Variants in LSAMP observed in about 807,000 individuals in gnomAD.
LSAMP encodes the protein limbic system associated membrane protein.
In LSAMP, 7 loss-of-function variants were observed where a neutral mutation model predicts 38.6. The observed-to-expected ratio is 0.18, with a 90% confidence interval of 0.10 to 0.34. The LOEUF is 0.34. Among genes scored for constraint, LSAMP ranks in the 10% least tolerant of loss-of-function variants. The pLI, the probability that LSAMP is intolerant of heterozygous loss-of-function variation, is 1.00. For missense variants in LSAMP, 313 were observed against 420.0 expected (o/e 0.75, Z 2.23); for synonymous variants, 154 against 166.8 (o/e 0.92, Z 0.59).
chr3:115,814,677 A>G (rs1304216518), intron 6 of LSAMP, among the ~76,000 whole-genome samples: 1 of 152,236 alleles, frequency 6.6e-6, no homozygotes, highest in East Asian at 1.9e-4. Flanking sequence ...GCCACTAAGA[A>G]ATCAAGATAA....
intron 3 of LSAMP, among the ~76,000 whole-genome samples, chr3:115,994,478 G>T (rs1319738800): frequency 4.6e-5 from 7 of 152,066 alleles, no homozygotes; most frequent in Non-Finnish European, 8.8e-5. Flanking sequence ...TGATCTTTGT[G>T]ATCCTTTCAT....
intron 1 of LSAMP, among the ~76,000 whole-genome samples, chr3:116,293,056 C>G (rs1264744442): frequency 6.6e-6 from 1 of 152,306 alleles, no homozygotes; most frequent in African/African-American, 2.4e-5. Flanking sequence ...CATTTTAACA[C>G]CTTCACCCTA....
intron 3 of LSAMP, among the ~76,000 whole-genome samples, chr3:116,012,496 C>G (rs1940358689): frequency 6.6e-6 from 1 of 152,160 alleles, no homozygotes; most frequent in Admixed American, 6.6e-5. Context: ...AAACTATCTT[C>G]TCAGGTGAGA....
chr3:116,215,308 C>T (rs1395214611), intron 1 of LSAMP, among the ~76,000 whole-genome samples: 1 of 152,192 alleles, frequency 6.6e-6, no homozygotes, highest in East Asian at 1.9e-4. Context: ...ACCCTATCTT[C>T]CTGTGTTGTT....
At chr3:116,078,980 G>C (rs886288851) in intron 2 of LSAMP, among the ~76,000 whole-genome samples, 2 of 152,064 alleles carry the variant, frequency 1.3e-5, no homozygotes, top group Non-Finnish European at 2.9e-5. Context: ...CTCTTAGTGG[G>C]GAAGGGCAGG....
chr3:116,139,047 T>C (rs1709315761), intron 1 of LSAMP, among the ~76,000 whole-genome samples: 1 of 151,910 alleles, frequency 6.6e-6, no homozygotes, highest in African/African-American at 2.4e-5. Context: ...CATATGTATA[T>C]AATGTGTATA....
At chr3:116,368,015 A>T (rs989165046) in intron 1 of LSAMP, 4 of 152,154 alleles carry the variant, frequency 2.6e-5, no homozygotes, top group Non-Finnish European at 5.9e-5. Flanking sequence ...CTCTTAAACT[A>T]ATGAAATGAG....
intron 1 of LSAMP, among the ~76,000 whole-genome samples, chr3:116,127,695 AT>A (rs67470158): frequency 0.026 from 2,468 of 96,524 alleles, 39 homozygotes; most frequent in African/African-American, 0.07. Context: ...GTGTTTGTTC[AT>A]TTTTTTTTTT....
chr3:116,142,654 C>T (rs1430608400), intron 1 of LSAMP, among the ~76,000 whole-genome samples: 1 of 152,006 alleles, frequency 6.6e-6, no homozygotes, highest in Non-Finnish European at 1.5e-5. Flanking sequence ...TAGTTGAAGA[C>T]AGCTCATGAC....
At chr3:116,286,623 C>CATCT (rs1309963440) in intron 1 of LSAMP, among the ~76,000 whole-genome samples, 5 of 152,040 alleles carry the variant, frequency 3.3e-5, no homozygotes, top group African/African-American at 9.7e-5. Flanking sequence ...TCTGTCTTTC[C>CATCT]ATCTATCTGA....
intron 1 of LSAMP, among the ~76,000 whole-genome samples, chr3:116,335,313 C>A (rs1007389704): frequency 1.3e-4 from 20 of 151,996 alleles, no homozygotes; most frequent in Non-Finnish European, 2.9e-4. Flanking sequence ...GAATGAATGC[C>A]ATCCCTATCA....
At chr3:115,934,432 C>A (rs1937634374) in intron 3 of LSAMP, among the ~76,000 whole-genome samples, 1 of 152,104 alleles carries the variant, frequency 6.6e-6, no homozygotes, top group African/African-American at 2.4e-5. Flanking sequence ...CTGCCTCGGC[C>A]TCCCAAAGTG....
chr3:116,247,098 G>A (rs545432984), intron 1 of LSAMP, among the ~76,000 whole-genome samples: 1 of 152,236 alleles, frequency 6.6e-6, no homozygotes, highest in Admixed American at 6.5e-5. Flanking sequence ...TTCATGCAGG[G>A]CTTACATTCC....
chr3:115,938,854 T>G (rs1304824775), intron 3 of LSAMP, among the ~76,000 whole-genome samples: 1 of 152,208 alleles, frequency 6.6e-6, no homozygotes, highest in Non-Finnish European at 1.5e-5. Context: ...CATAAATATC[T>G]TCATTAAAAG....
At chr3:116,014,198 T>G (rs760351728) in intron 3 of LSAMP, among the ~76,000 whole-genome samples, 4 of 152,174 alleles carry the variant, frequency 2.6e-5, no homozygotes, top group Non-Finnish European at 4.4e-5. Flanking sequence ...CCATCCTAAG[T>G]CAAGAGGTGT....
At chr3:116,053,225 T>G (rs1941428266) in intron 2 of LSAMP, among the ~76,000 whole-genome samples, 1 of 152,214 alleles carries the variant, frequency 6.6e-6, no homozygotes, top group Admixed American at 6.5e-5. Flanking sequence ...GTGTCAGAAA[T>G]GAATGCTTAG....
At chr3:116,166,880 T>G (rs974185916) in intron 1 of LSAMP, among the ~76,000 whole-genome samples, 1 of 141,012 alleles carries the variant, frequency 7.1e-6, no homozygotes, top group African/African-American at 2.6e-5. Context: ...AAGCTGCACC[T>G]CCTGGGTTCA....
At chr3:116,108,761 G>C (rs1708528733) in intron 1 of LSAMP, among the ~76,000 whole-genome samples, 5 of 152,206 alleles carry the variant, frequency 3.3e-5, no homozygotes, top group Admixed American at 3.3e-4. Flanking sequence ...CTGGTGGTCA[G>C]ATTTCTGGCA....
intron 3 of LSAMP, among the ~76,000 whole-genome samples, chr3:115,913,798 C>A (rs1163699955): frequency 6.6e-6 from 1 of 152,044 alleles, no homozygotes; most frequent in African/African-American, 2.4e-5. Context: ...GGACCTATGT[C>A]TTTTTCATGC....
Sources: gnomAD v4.1 joint callset for allele counts (sites outside exome capture counted in the v4.1 genomes callset) on GRCh38, gnomAD v4.1.1 for gene constraint, MANE v1.5 for transcripts, NCBI Gene and HGNC (gene_info 2026-07-23, HGNC 2026-07-21) for gene names.